The following PCDH15 variants were observed in gnomAD, a reference collection of about 807,000 sequenced individuals.
PCDH15 encodes the protein protocadherin related 15.
Under a neutral mutation model 178.5 loss-of-function variants are expected in PCDH15, and 129 were observed. The observed-to-expected ratio is 0.72, with a 90% CI of 0.63 to 0.84. PCDH15 has a LOEUF of 0.84. Ranked by LOEUF, PCDH15 falls within the 40% of genes least tolerant of loss-of-function variation. The pLI is 0.00. For synonymous variants in PCDH15, 800 were observed against 732.0 expected, an observed-to-expected ratio of 1.09 and a Z score of -1.50; for missense variants, 2,230 against 2,099.9, an observed-to-expected ratio of 1.06 and a Z score of -1.21.
At chr10:54,385,024 T>C (rs1206605343) in intron 3 of PCDH15, among the ~76,000 whole-genome samples, 1 of 152,128 alleles carries the variant, frequency 6.6e-6, no homozygotes, top group Non-Finnish European at 1.5e-5. Flanking sequence ...ATTTATTTCA[T>C]TTTTTGAGTT....
At chr10:55,133,042 AG>A (rs1184644323) in intron 2 of PCDH15, among the ~76,000 whole-genome samples, 5 of 152,338 alleles carry the variant, frequency 3.3e-5, no homozygotes, top group Middle Eastern at 6.8e-3. Context: ...TTAGCACATG[AG>A]AAATGTGTGG....
At chr10:54,501,202 C>T (rs540576238) in intron 3 of PCDH15, among the ~76,000 whole-genome samples, 2 of 151,130 alleles carry the variant, frequency 1.3e-5, no homozygotes, top group East Asian at 3.9e-4. Context: ...TTTGCATGTT[C>T]TGCACATGTA....
chr10:55,398,287 G>A (rs1837978391), intron 2 of PCDH15, among the ~76,000 whole-genome samples: 1 of 152,112 alleles, frequency 6.6e-6, no homozygotes, highest in East Asian at 1.9e-4. Flanking sequence ...GCAAGAAAGT[G>A]AGTAGAAGTG....
At chr10:54,732,096 A>C (rs1217305244) in intron 1 of PCDH15, among the ~76,000 whole-genome samples, 1 of 151,404 alleles carries the variant, frequency 6.6e-6, no homozygotes, top group Non-Finnish European at 1.5e-5. Flanking sequence ...AATTGGAAAA[A>C]AAAATTAAAA....
chr10:55,164,689 G>T (rs1839152693), intron 2 of PCDH15, among the ~76,000 whole-genome samples: 1 of 151,840 alleles, frequency 6.6e-6, no homozygotes, highest in African/African-American at 2.4e-5. Context: ...CTAATGTCAG[G>T]ACAAAAATAG....
At chr10:55,455,264 GCATGCAGT>G (rs1211094659) in intron 2 of PCDH15, among the ~76,000 whole-genome samples, 1 of 152,102 alleles carries the variant, frequency 6.6e-6, no homozygotes, top group East Asian at 1.9e-4. Context: ...TCTTGTGGAA[GCATGCAGT>G]CATCATGAAT....
At chr10:55,170,138 G>A (rs761342882) in intron 1 of PCDH15, among the ~76,000 whole-genome samples, 24 of 151,870 alleles carry the variant, frequency 1.6e-4, no homozygotes, top group Non-Finnish European at 2.8e-4. Flanking sequence ...GTTGATGTGG[G>A]TTTTGTTTTA....
chr10:54,694,496 T>C (rs1161218772), intron 1 of PCDH15, among the ~76,000 whole-genome samples: 1 of 152,194 alleles, frequency 6.6e-6, no homozygotes, highest in East Asian at 1.9e-4. Context: ...AATTGAAGTT[T>C]TGTGGCAACC....
chr10:54,775,138 A>G (rs182277936), intron 1 of PCDH15, among the ~76,000 whole-genome samples: 4 of 152,332 alleles, frequency 2.6e-5, no homozygotes, highest in Admixed American at 2.0e-4. Context: ...TTACTATTGG[A>G]AACCCAAAGG....
intron 20 of PCDH15, among the ~76,000 whole-genome samples, chr10:54,004,653 A>G (rs1208530473): frequency 6.6e-6 from 1 of 152,136 alleles, no homozygotes; most frequent in Non-Finnish European, 1.5e-5. Context: ...AAGAAAATGA[A>G]GAGAACACAA....
At chr10:54,347,481 G>A (rs911993722) in intron 5 of PCDH15, among the ~76,000 whole-genome samples, 8 of 151,996 alleles carry the variant, frequency 5.3e-5, no homozygotes, top group Non-Finnish European at 1.2e-4. Context: ...CAGACTGGAC[G>A]CTTTTAATGT....
intron 13 of PCDH15, among the ~76,000 whole-genome samples, chr10:54,168,559 C>G (rs2046513247): frequency 6.6e-6 from 1 of 152,186 alleles, no homozygotes; most frequent in African/African-American, 2.4e-5. Flanking sequence ...GTGACTAGCC[C>G]TCCCCCACCT....
chr10:55,424,126 A>C (rs1010794766), intron 2 of PCDH15, among the ~76,000 whole-genome samples: 2 of 152,140 alleles, frequency 1.3e-5, no homozygotes, highest in Non-Finnish European at 2.9e-5. Context: ...AATGTATGAG[A>C]AGATGATAGT....
chr10:54,375,834 GAA>G (rs35903748), intron 4 of PCDH15, among the ~76,000 whole-genome samples: 7,763 of 137,490 alleles, frequency 0.056, 296 homozygotes, highest in Admixed American at 0.1. Context: ...TTTTGAAATG[GAA>G]TATATATATA....
At chr10:55,356,308 A>C (rs1845079036) in intron 2 of PCDH15, among the ~76,000 whole-genome samples, 1 of 151,854 alleles carries the variant, frequency 6.6e-6, no homozygotes, top group Non-Finnish European at 1.5e-5. Context: ...AAGGAAGAAC[A>C]CAAAGAAAAA....
intron 21 of PCDH15, among the ~76,000 whole-genome samples, chr10:53,962,580 T>TACC (rs1294957242): frequency 3.9e-5 from 6 of 152,288 alleles, no homozygotes; most frequent in African/African-American, 1.4e-4. Context: ...GCTAGATGCT[T>TACC]ACCACTTGCC....
intron 2 of PCDH15, among the ~76,000 whole-genome samples, chr10:55,047,908 CAGTA>C (rs548251499): frequency 9.2e-5 from 14 of 151,840 alleles, no homozygotes; most frequent in African/African-American, 2.6e-4. Flanking sequence ...ACATTTTAAT[CAGTA>C]AGTAAGTGTG....
chr10:54,720,460 CT>C (rs1252620479), intron 1 of PCDH15, among the ~76,000 whole-genome samples: 1 of 151,464 alleles, frequency 6.6e-6, no homozygotes. Flanking sequence ...TAACAAAAGA[CT>C]TTTCAGCAGA....
intron 8 of PCDH15, among the ~76,000 whole-genome samples, chr10:54,280,594 A>G (rs1297783498): frequency 6.6e-6 from 1 of 151,800 alleles, no homozygotes; most frequent in Admixed American, 6.6e-5. Context: ...AATAATTATC[A>G]GTGCCTATAT....
Sources: allele counts gnomAD v4.1 joint callset (sites outside exome capture counted in the v4.1 genomes callset), GRCh38; gene constraint gnomAD v4.1.1; transcripts MANE v1.5; gene names NCBI Gene and HGNC (gene_info 2026-07-23, HGNC 2026-07-21).